Variants in KLF15 observed in about 807,000 individuals in gnomAD.
The protein encoded by KLF15 is KLF transcription factor 15.
A neutral mutation model predicts 24.6 loss-of-function variants in KLF15; 4 were observed. That is an observed-to-expected ratio of 0.16 (90% confidence interval 0.08 to 0.37). KLF15 has a LOEUF of 0.37. KLF15 is among the 10% of genes least tolerant of loss of function. The probability of loss-of-function intolerance (pLI) is 1.00; values close to 1 mark genes in which losing one functional copy is unlikely to be tolerated. For synonymous variants in KLF15, 246 were observed against 236.3 expected (o/e 1.04, Z -0.37); for missense variants, 496 against 560.6 (o/e 0.88, Z 1.16).
At chr3:126,297,633 G>A in the KLF15 span, among the ~76,000 whole-genome samples, 5 of 152,088 alleles carry the variant, frequency 3.3e-5, no homozygotes, top group Non-Finnish European at 7.4e-5. Flanking sequence ...AAAGTCCATC[G>A]TATTATTCTT....
downstream of KLF15, among the ~76,000 whole-genome samples, chr3:126,339,267 T>A (rs1457669769): frequency 1.3e-5 from 2 of 152,222 alleles, no homozygotes; most frequent in Admixed American, 6.5e-5. Context: ...CCTGTCCTCA[T>A]GCCCACTCCT....
chr3:126,310,733 T>G, the KLF15 span, among the ~76,000 whole-genome samples: 2 of 152,212 alleles, frequency 1.3e-5, no homozygotes, highest in African/African-American at 4.8e-5. Context: ...GAAGTCTTAA[T>G]GGATTAGGGC....
chr3:126,350,217 A>C (rs1479112973), intron 2 of KLF15, among the ~76,000 whole-genome samples: 1 of 152,172 alleles, frequency 6.6e-6, no homozygotes, highest in African/African-American at 2.4e-5. Context: ...CTAACCTCCT[A>C]TGCAGTGTAC....
At chr3:126,307,758 C>T in the KLF15 span, among the ~76,000 whole-genome samples, 2 of 152,200 alleles carry the variant, frequency 1.3e-5, no homozygotes, top group Non-Finnish European at 2.9e-5. Flanking sequence ...TATCCACTGG[C>T]TAAGGGGAGC....
chr3:126,341,328 G>A (rs769691919), downstream of KLF15, among the ~76,000 whole-genome samples: 11 of 152,180 alleles, frequency 7.2e-5, no homozygotes, highest in African/African-American at 1.9e-4. Flanking sequence ...GTGTCCGGCC[G>A]GTCCTTGGCA....
intron 1 of KLF15, among the ~76,000 whole-genome samples, chr3:126,354,552 C>T (rs894946248): frequency 1.3e-5 from 2 of 152,208 alleles, no homozygotes; most frequent in East Asian, 1.9e-4. Flanking sequence ...CCCAACTTAC[C>T]CAGGAAGCTT....
chr3:126,302,510 T>G, the KLF15 span, among the ~76,000 whole-genome samples: 1 of 152,304 alleles, frequency 6.6e-6, no homozygotes, highest in South Asian at 2.1e-4. Flanking sequence ...TGATTGTAGA[T>G]TTATCTATTT....
At chr3:126,314,123 C>T in the KLF15 span, among the ~76,000 whole-genome samples, 2 of 152,052 alleles carry the variant, frequency 1.3e-5, no homozygotes, top group Non-Finnish European at 2.9e-5. Context: ...TGTGTCACTC[C>T]CTCGCTCGGT....
At chr3:126,349,643 G>A (rs1228140581) in intron 2 of KLF15, among the ~76,000 whole-genome samples, 1 of 152,194 alleles carries the variant, frequency 6.6e-6, no homozygotes, top group Non-Finnish European at 1.5e-5. Context: ...GGCTGGCCTT[G>A]GATGAGGACC....
rs1244399860 is a variant in KLF15, at chr3:126,357,306, G to A, written c.-95C>T. On this transcript the variant is annotated 5_prime_UTR_variant, in exon 1 of 3. Coordinates refer to ENST00000296233, the MANE Select transcript of KLF15 (RefSeq NM_014079.4). ...CTGCGGCCGGGCGGGCTGGGCTGGG[G>A]GCGGCGGCTAGACTCTCGGTCCGGC... 6.8e-6 allele frequency: 1 copy of A among 147,640 alleles called. No individual in the cohort carries two copies. The highest frequency in any genetic ancestry group is 1.5e-5 in the Non-Finnish European group (1 of 66,306). 9.1% of individuals were successfully genotyped at this position (147,640 alleles called of 1,614,324 possible).
intron 2 of KLF15, among the ~76,000 whole-genome samples, chr3:126,348,307 G>C (rs1018650464): frequency 2.0e-5 from 3 of 152,200 alleles, no homozygotes; most frequent in Non-Finnish European, 2.9e-5. Flanking sequence ...ATTTTGCTCA[G>C]AGCAGTGCCA....
At chr3:126,331,106 C>T in the KLF15 span, among the ~76,000 whole-genome samples, 1 of 152,152 alleles carries the variant, frequency 6.6e-6, no homozygotes, top group East Asian at 1.9e-4. Context: ...ACATCAGGCA[C>T]ATAAGATGCC....
chr3:126,352,652 C>A lies in KLF15; in HGVS notation c.271G>T (p.Gly91Cys). ...CTGGCCCCAATGCTACTGCCGCTGC[C>A]CCCGCCACTGCCCAGCGTGGCCTGG... ...LSQATLGSGG[G>C]SGSSIGASSG... The change falls in exon 2 of 3, where the codon GGC (glycine) becomes TGC (cysteine). Residue 91 changes from glycine to cysteine, a missense_variant. By Grantham distance (159) the Gly-to-Cys change is radical. Transcript: ENST00000296233. 6.3e-7 allele frequency: 1 copy of A among 1,598,882 alleles called. No individual in the cohort carries two copies. The highest frequency in any genetic ancestry group is 8.5e-7 in the Non-Finnish European group (1 of 1,173,210).
intron 1 of KLF15, among the ~76,000 whole-genome samples, chr3:126,355,280 AG>A (rs1393515805): frequency 1.3e-5 from 2 of 152,268 alleles, no homozygotes; most frequent in Non-Finnish European, 2.9e-5. Flanking sequence ...AAAGTACAGT[AG>A]GGGGGCTGGA....
At chr3:126,290,506 A>ACCTACCTT in the KLF15 span, among the ~76,000 whole-genome samples, 5 of 144,604 alleles carry the variant, frequency 3.5e-5, no homozygotes, top group Admixed American at 6.9e-5. Flanking sequence ...CTTCCTTCCT[A>ACCTACCTT]CCTTCCTTCC....
chr3:126,316,750 G>A, the KLF15 span, among the ~76,000 whole-genome samples: 15 of 151,290 alleles, frequency 9.9e-5, 1 homozygote, highest in East Asian at 1.6e-3. Context: ...TCCATGGGCC[G>A]GAGTGGGGAA....
rs976349475 is a variant in KLF15 at position 126,343,453 on chromosome 3, C to A, written c.*274G>T. Reference sequence around the variant, plus strand: ...ACCAGCGGCTGCAGCAGAGGCCTGGCCACCGCGGGAAGGCACGAAGGCACG... The same window carrying A: ...ACCAGCGGCTGCAGCAGAGGCCTGGACACCGCGGGAAGGCACGAAGGCACG... On this transcript the variant is annotated 3_prime_UTR_variant, in exon 3 of 3. Coordinates refer to ENST00000296233, the MANE Select transcript of KLF15 (RefSeq NM_014079.4). 5.2e-6 allele frequency: 2 copies of A among 383,878 alleles called. No homozygotes were observed. The highest frequency in any genetic ancestry group is 9.1e-6 in the Non-Finnish European group (2 of 218,754). 23.8% of individuals were successfully genotyped at this position (383,878 alleles called of 1,614,324 possible).
chr3:126,291,641 G>C, the KLF15 span, among the ~76,000 whole-genome samples: 9 of 152,378 alleles, frequency 5.9e-5, no homozygotes, highest in African/African-American at 2.2e-4. Flanking sequence ...GCTGCGTCCC[G>C]GCCTTTGCCA....
the KLF15 span, among the ~76,000 whole-genome samples, chr3:126,318,895 A>G: frequency 6.6e-6 from 1 of 152,270 alleles, no homozygotes; most frequent in East Asian, 1.9e-4. Context: ...AAACGTATCC[A>G]CCATTGTAGT....
Sources: allele counts gnomAD v4.1 joint callset (sites outside exome capture counted in the v4.1 genomes callset), GRCh38; gene constraint gnomAD v4.1.1; transcripts MANE v1.5; gene names NCBI Gene and HGNC (gene_info 2026-07-23, HGNC 2026-07-21).